Variants in CTNNA3 observed in about 807,000 individuals in gnomAD.
CTNNA3 encodes catenin alpha-3.
A neutral mutation model predicts 95.7 loss-of-function variants in CTNNA3; 76 were observed. The ratio of observed to expected loss-of-function variants is 0.79; its 90% confidence interval spans 0.66 to 0.96. The LOEUF (loss-of-function observed/expected upper bound fraction) is 0.96. Ranked by LOEUF, CTNNA3 falls within the 40% of genes least tolerant of loss-of-function variation. The pLI is 0.00. For missense variants in CTNNA3, 1,191 were observed against 1,089.8 expected (o/e 1.09, Z -1.31); for synonymous variants, 431 against 374.4 (o/e 1.15, Z -1.74).
rs1346426175 is a variant in CTNNA3, at chr10:66,827,620, T to C, written c.1048-52096A>G. 3.9e-5 allele frequency among the ~76,000 whole-genome samples: 6 copies of C among 152,190 alleles called. No individual in the cohort carries two copies. In the East Asian group the frequency reaches 1.2e-3, roughly 29 times the overall value. ...TCTGGAATAACTCACTAAACCTCAC[T>C]AAGATCCAGTTTCCTCATATTTCAA... On this transcript the variant is annotated intron_variant, in intron 7 of 17. Coordinates refer to ENST00000433211, the MANE Select transcript of CTNNA3 (RefSeq NM_013266.4).
At chr10:67,366,072 T>C (rs1023895916) in intron 5 of CTNNA3, among the ~76,000 whole-genome samples, 14 of 152,284 alleles carry the variant, frequency 9.2e-5, no homozygotes, top group African/African-American at 3.4e-4. Flanking sequence ...TGGATGAAGC[T>C]GGAAACCATC....
intron 7 of CTNNA3, chr10:66,926,890 G>A (rs757898020): frequency 1.3e-6 from 2 of 1,523,186 alleles, no homozygotes; most frequent in South Asian, 1.3e-5. Flanking sequence ...TTTTTGGGGG[G>A]ATAACTTTTC....
At chr10:65,945,642 G>C (rs1397408255) in intron 17 of CTNNA3, among the ~76,000 whole-genome samples, 1 of 152,196 alleles carries the variant, frequency 6.6e-6, no homozygotes. Flanking sequence ...GCCCATCTTG[G>C]ATAAAAGGGA....
chr10:67,257,592 A>G (rs1866411881), intron 5 of CTNNA3, among the ~76,000 whole-genome samples: 1 of 152,188 alleles, frequency 6.6e-6, no homozygotes. Context: ...ATTATGCTCC[A>G]GTACACTGAC....
intron 7 of CTNNA3, among the ~76,000 whole-genome samples, chr10:66,850,331 G>A (rs1467723648): frequency 2.0e-5 from 3 of 152,038 alleles, no homozygotes; most frequent in African/African-American, 7.2e-5. Flanking sequence ...TAACTGCTAC[G>A]TGCCTATGGG....
chr10:66,971,872 T>A (rs1849742345), intron 7 of CTNNA3, among the ~76,000 whole-genome samples: 1 of 151,504 alleles, frequency 6.6e-6, no homozygotes, highest in Non-Finnish European at 1.5e-5. Flanking sequence ...GCCAAAATCA[T>A]TTTTTTTCAA....
intron 10 of CTNNA3, among the ~76,000 whole-genome samples, chr10:66,593,489 A>T (rs763592157): frequency 6.6e-6 from 1 of 152,102 alleles, no homozygotes; most frequent in African/African-American, 2.4e-5. Context: ...CTTTAGATCT[A>T]GGGTAGGGCC....
chr10:66,400,324 G>C (rs1240268185), intron 11 of CTNNA3, among the ~76,000 whole-genome samples: 2 of 152,038 alleles, frequency 1.3e-5, no homozygotes, highest in Non-Finnish European at 2.9e-5. Flanking sequence ...GAGATAATTA[G>C]TAATTTTTAT....
intron 17 of CTNNA3, among the ~76,000 whole-genome samples, chr10:65,940,505 C>G (rs2077412399): frequency 6.6e-6 from 1 of 152,158 alleles, no homozygotes; most frequent in African/African-American, 2.4e-5. Flanking sequence ...TATACTGACT[C>G]TTTCATATCA....
chr10:67,420,211 T>C (rs1200404227), intron 5 of CTNNA3, among the ~76,000 whole-genome samples: 1 of 152,236 alleles, frequency 6.6e-6, no homozygotes, highest in Non-Finnish European at 1.5e-5. Flanking sequence ...TGTGTAGTTT[T>C]TTATTTCAAT....
Position 66,301,957 on chromosome 10 carries a change from T to C in CTNNA3, c.1733-21336A>G, listed in dbSNP as rs184865645. On this transcript the variant is annotated intron_variant, in intron 12 of 17. Coordinates refer to ENST00000433211, the MANE Select transcript of CTNNA3 (RefSeq NM_013266.4). ...AATAGCAAAGAATCAATTTAAAAAG[T>C]CCTGGAACTAATTAATGACAGCAAG... Among the ~76,000 whole-genome samples, 442 of 152,156 alleles carry C rather than the reference T, an allele frequency of 2.9e-3. 1 individual carries two copies. Among genetic ancestry groups the C allele is most frequent in the African/African-American group, 9.4e-3 (392 of 41,552 alleles).
intron 5 of CTNNA3, among the ~76,000 whole-genome samples, chr10:67,510,647 T>C (rs958502315): frequency 1.3e-5 from 2 of 152,202 alleles, no homozygotes; most frequent in African/African-American, 4.8e-5. Context: ...AGTTTTGTTC[T>C]TTTTGCTTAG....
chr10:67,133,852 A>G (rs562819933), intron 7 of CTNNA3, among the ~76,000 whole-genome samples: 1 of 152,064 alleles, frequency 6.6e-6, no homozygotes, highest in South Asian at 2.1e-4. Context: ...TTTGATAATG[A>G]TTTTCTTTAT....
intron 4 of CTNNA3, among the ~76,000 whole-genome samples, chr10:67,532,057 C>G (rs1015022039): frequency 2.6e-5 from 4 of 152,130 alleles, no homozygotes; most frequent in Admixed American, 2.0e-4. Flanking sequence ...CCATGTGGAA[C>G]TGTAAGTCCA....
At chr10:67,336,299 C>G (rs749329455) in intron 5 of CTNNA3, among the ~76,000 whole-genome samples, 2 of 151,894 alleles carry the variant, frequency 1.3e-5, no homozygotes, top group Non-Finnish European at 2.9e-5. Flanking sequence ...CACTTTCCAC[C>G]AAAAGCTAAA....
At chr10:67,555,318 G>T (rs184900918) in intron 3 of CTNNA3, among the ~76,000 whole-genome samples, 15 of 152,234 alleles carry the variant, frequency 9.9e-5, no homozygotes, top group Admixed American at 9.1e-4. Flanking sequence ...GATGCAGATG[G>T]CATTGAATCT....
At chr10:66,017,156 C>CGTTT (rs1195347512) in intron 15 of CTNNA3, among the ~76,000 whole-genome samples, 1 of 152,112 alleles carries the variant, frequency 6.6e-6, no homozygotes, top group Non-Finnish European at 1.5e-5. Context: ...AGTAACAGAA[C>CGTTT]AAACTAATCA....
intron 7 of CTNNA3, among the ~76,000 whole-genome samples, chr10:66,959,595 A>C (rs1239541541): frequency 6.6e-6 from 1 of 152,138 alleles, no homozygotes; most frequent in Non-Finnish European, 1.5e-5. Flanking sequence ...TGAACTGGTG[A>C]AAGTAGATGA....
At chr10:66,199,529 C>CA (rs2087182711) in intron 13 of CTNNA3, among the ~76,000 whole-genome samples, 1 of 151,042 alleles carries the variant, frequency 6.6e-6, no homozygotes, top group Admixed American at 6.6e-5. Context: ...ATCCTACGTT[C>CA]ATTTTATGAC....
Sources: allele counts gnomAD v4.1 joint callset (sites outside exome capture counted in the v4.1 genomes callset), GRCh38; gene constraint gnomAD v4.1.1; transcripts MANE v1.5; gene names NCBI Gene and HGNC (gene_info 2026-07-23, HGNC 2026-07-21).